The following GRIN2A variants were observed in gnomAD, a reference collection of about 807,000 sequenced individuals.
The protein encoded by GRIN2A is glutamate ionotropic receptor NMDA type subunit 2A, also known as glutamate receptor ionotropic, NMDA 2A.
A neutral mutation model predicts 113.4 loss-of-function variants in GRIN2A; 22 were observed. The ratio of observed to expected loss-of-function variants is 0.19; its 90% CI spans 0.14 to 0.28. GRIN2A has a LOEUF of 0.28. Among genes scored for constraint, GRIN2A ranks in the 10% least tolerant of loss-of-function variants. The pLI is 1.00. For synonymous variants in GRIN2A, 827 were observed against 738.4 expected, an observed-to-expected ratio of 1.12 and a Z score of -1.94; for missense variants, 1,502 against 1,887.0, an observed-to-expected ratio of 0.80 and a Z score of 3.78.
chr16:9,779,780 C>G (rs954003125), intron 11 of GRIN2A, among the ~76,000 whole-genome samples: 2 of 152,166 alleles, frequency 1.3e-5, no homozygotes, highest in Admixed American at 1.3e-4. Context: ...AGGTGCTCCT[C>G]TGACCTCCTC....
chr16:9,990,561 G>GCACA (rs776273740), intron 2 of GRIN2A, among the ~76,000 whole-genome samples: 7,415 of 128,452 alleles, frequency 0.058, 231 homozygotes, highest in Middle Eastern at 0.083. Context: ...GCGCGCGCGC[G>GCACA]CGCACACACA....
intron 2 of GRIN2A, among the ~76,000 whole-genome samples, chr16:10,131,947 G>C (rs1438110281): frequency 6.6e-6 from 1 of 152,032 alleles, no homozygotes; most frequent in Non-Finnish European, 1.5e-5. Flanking sequence ...ACTGCACTAA[G>C]CATTTTACCA....
intron 2 of GRIN2A, among the ~76,000 whole-genome samples, chr16:10,054,012 A>G (rs2047404569): frequency 6.6e-6 from 1 of 152,206 alleles, no homozygotes; most frequent in South Asian, 2.1e-4. Flanking sequence ...ATACTTTTGC[A>G]CCAATCTAAT....
chr16:9,846,717 G>A (rs1230446467), intron 5 of GRIN2A, among the ~76,000 whole-genome samples: 1 of 152,190 alleles, frequency 6.6e-6, no homozygotes, highest in Non-Finnish European at 1.5e-5. Context: ...CCCAGGTACT[G>A]TGGAAGTAGG....
chr16:10,032,687 G>A (rs963843413), intron 2 of GRIN2A, among the ~76,000 whole-genome samples: 2 of 152,116 alleles, frequency 1.3e-5, no homozygotes, highest in African/African-American at 2.4e-5. Context: ...TGGATTCAGG[G>A]TTGAACGAAC....
intron 2 of GRIN2A, among the ~76,000 whole-genome samples, chr16:10,175,056 A>G (rs2050115781): frequency 1.3e-5 from 2 of 152,232 alleles, no homozygotes; most frequent in African/African-American, 4.8e-5. Context: ...ACAGTTGCTT[A>G]CAATATTTAG....
chr16:9,905,422 C>CA (rs1312593127), intron 3 of GRIN2A, among the ~76,000 whole-genome samples: 1 of 152,108 alleles, frequency 6.6e-6, no homozygotes, highest in Admixed American at 6.5e-5. Flanking sequence ...CAGATAATAT[C>CA]AATGAGTAAA....
intron 2 of GRIN2A, among the ~76,000 whole-genome samples, chr16:10,086,809 C>G (rs1019910932): frequency 6.6e-6 from 1 of 152,132 alleles, no homozygotes; most frequent in Non-Finnish European, 1.5e-5. Context: ...CTAAAAATAC[C>G]CAGCTCATTC....
At chr16:9,831,247 G>A (rs772412056) in intron 8 of GRIN2A, among the ~76,000 whole-genome samples, 2 of 152,160 alleles carry the variant, frequency 1.3e-5, no homozygotes, top group Non-Finnish European at 2.9e-5. Context: ...AAAGGAGAAC[G>A]TATTGCAAGG....
At chr16:10,023,611 A>T (rs2046765453) in intron 2 of GRIN2A, among the ~76,000 whole-genome samples, 1 of 152,206 alleles carries the variant, frequency 6.6e-6, no homozygotes, top group Non-Finnish European at 1.5e-5. Context: ...AGGAATTAAA[A>T]CACCAAAAAG....
At chr16:10,119,310 C>T (rs1303882364) in intron 2 of GRIN2A, among the ~76,000 whole-genome samples, 1 of 152,156 alleles carries the variant, frequency 6.6e-6, no homozygotes, top group Non-Finnish European at 1.5e-5. Flanking sequence ...ATGAGCGTTA[C>T]CCATTTGACA....
rs144725762 is a variant in GRIN2A at position 9,984,953 on chromosome 16, C to T, written c.415-46402G>A. On this transcript the variant is annotated intron_variant, in intron 2 of 12. Coordinates refer to ENST00000330684, the MANE Select transcript of GRIN2A (RefSeq NM_001134407.3). ...ATAAACGTATCTGCGATATGACACT[C>T]CTTCAGCTACAAACACACACATACC... Among the ~76,000 whole-genome samples the T allele has an allele frequency of 3.3e-3, 510 of 152,276 alleles. 5 individuals are homozygous for T. Among genetic ancestry groups the T allele is most frequent in the African/African-American group, 0.012 (478 of 41,556 alleles).
intron 2 of GRIN2A, among the ~76,000 whole-genome samples, chr16:10,165,733 GAAAGGAGGGGAGGGGA>G (rs2049906689): frequency 2.1e-5 from 1 of 48,198 alleles, no homozygotes. Flanking sequence ...GGGGAGGGGA[GAAAGGAGGGGAGGGGA>G]GAAAGGAGGG....
intron 2 of GRIN2A, among the ~76,000 whole-genome samples, chr16:10,137,263 C>A (rs1420824102): frequency 2.0e-5 from 3 of 152,148 alleles, no homozygotes; most frequent in African/African-American, 7.2e-5. Flanking sequence ...GTAGGTGGTA[C>A]CACCCTCATT....
intron 3 of GRIN2A, among the ~76,000 whole-genome samples, chr16:9,910,349 G>C (rs1169007670): frequency 6.6e-6 from 1 of 151,902 alleles, no homozygotes; most frequent in African/African-American, 2.4e-5. Context: ...TTGTTAAAAT[G>C]GCAAATTTTT....
intron 2 of GRIN2A, among the ~76,000 whole-genome samples, chr16:10,016,625 G>T (rs780117823): frequency 3.3e-5 from 5 of 152,180 alleles, no homozygotes; most frequent in Non-Finnish European, 7.3e-5. Context: ...TAGGATAAAT[G>T]GATAACAACG....
At chr16:9,989,934 G>A (rs1042666343) in intron 2 of GRIN2A, among the ~76,000 whole-genome samples, 5 of 152,098 alleles carry the variant, frequency 3.3e-5, no homozygotes, top group Non-Finnish European at 7.4e-5. Flanking sequence ...ACTGCTGGTG[G>A]GAATATAAAT....
chr16:10,117,922 G>A (rs927266715), intron 2 of GRIN2A, among the ~76,000 whole-genome samples: 1 of 152,082 alleles, frequency 6.6e-6, no homozygotes, highest in Admixed American at 6.5e-5. Context: ...CTGTGGACTG[G>A]GCACCCCTTG....
rs1057523027 is a variant in GRIN2A at position 9,822,383 on chromosome 16, C to G, written c.2049G>C (p.Gly683=). ...PHDYSPPFRF[G]TVPNGSTERN... ...TCTCCGTGCTTCCATTAGGCACTGT[C>G]CCAAATCGAAAAGGTGGGGAATAGT... Residue 683 remains glycine, a synonymous_variant, in exon 10 of 13, where the codon GGG becomes GGC. Transcript: ENST00000330684. 12 of 1,612,832 alleles carry G rather than the reference C, an allele frequency of 7.4e-6. No individual in the cohort carries two copies. In the East Asian group the frequency reaches 2.7e-4, roughly 36 times the overall value.
Sources: allele counts gnomAD v4.1 joint callset (sites outside exome capture counted in the v4.1 genomes callset), GRCh38; gene constraint gnomAD v4.1.1; transcripts MANE v1.5; gene names NCBI Gene and HGNC (gene_info 2026-07-23, HGNC 2026-07-21).